HMGCLL1: variants seen among roughly 807,000 people sequenced by gnomAD.
HMGCLL1 encodes 3-hydroxy-3-methylglutaryl-CoA lyase like 1.
In HMGCLL1, 36 loss-of-function variants were observed where a neutral mutation model predicts 39.1. The ratio of observed to expected loss-of-function variants is 0.92; its 90% CI spans 0.71 to 1.22. HMGCLL1 has a LOEUF of 1.22. Ranked by LOEUF, HMGCLL1 falls within the 50% of genes most tolerant of loss-of-function variation. HMGCLL1 has a pLI of 0.00. For missense variants in HMGCLL1, 451 were observed against 416.5 expected (o/e 1.08, Z -0.72); for synonymous variants, 149 against 144.0 (o/e 1.03, Z -0.25).
the HMGCLL1 span, among the ~76,000 whole-genome samples, chr6:55,630,843 G>A: frequency 3.9e-5 from 6 of 152,220 alleles, no homozygotes; most frequent in East Asian, 1.9e-4. Flanking sequence ...CCCCAGCCAT[G>A]TAGAACTGCA....
rs577228685 is a variant in HMGCLL1 at position 55,476,483 on chromosome 6, A to C, written c.795+18936T>G. Among the ~76,000 whole-genome samples the C allele has an allele frequency of 5.3e-5, 8 of 151,844 alleles. No homozygotes were observed. The East Asian group carries it at 9.7e-4, about 18-fold the overall frequency. On this transcript the variant is annotated intron_variant, in intron 7 of 8. Coordinates refer to ENST00000274901, the MANE Select transcript of HMGCLL1 (RefSeq NM_001042406.2). ...ACCTATAACTTATGTTGGAAGTTTG[A>C]ATACACAATTATGACATTTGAAATA...
At chr6:55,662,483 T>A in the HMGCLL1 span, among the ~76,000 whole-genome samples, 1 of 151,900 alleles carries the variant, frequency 6.6e-6, no homozygotes, top group Non-Finnish European at 1.5e-5. Context: ...AGGGATCACA[T>A]TTATTGATTT....
At chr6:55,477,367 T>A (rs1354042104) in intron 7 of HMGCLL1, among the ~76,000 whole-genome samples, 11 of 30,186 alleles carry the variant, frequency 3.6e-4, no homozygotes, top group African/African-American at 6.8e-4. Flanking sequence ...TATATTATAT[T>A]AATATAATAT....
At chr6:55,506,241 C>G (rs1447231564) in intron 5 of HMGCLL1, among the ~76,000 whole-genome samples, 1 of 151,698 alleles carries the variant, frequency 6.6e-6, no homozygotes, top group Non-Finnish European at 1.5e-5. Context: ...ATCTTATTTT[C>G]TGCCATACCT....
chr6:55,534,850 G>A (rs979557738), intron 3 of HMGCLL1, among the ~76,000 whole-genome samples: 3 of 152,210 alleles, frequency 2.0e-5, no homozygotes, highest in Non-Finnish European at 2.9e-5. Context: ...AACGCTCAAG[G>A]ATATGTAGCA....
intron 7 of HMGCLL1, among the ~76,000 whole-genome samples, chr6:55,459,250 G>A (rs1764453387): frequency 6.6e-6 from 1 of 152,068 alleles, no homozygotes; most frequent in Non-Finnish European, 1.5e-5. Context: ...AAACAACTTA[G>A]AATCTAGTAG....
chr6:55,499,573 A>G (rs1766767737), intron 5 of HMGCLL1, among the ~76,000 whole-genome samples: 1 of 152,094 alleles, frequency 6.6e-6, no homozygotes, highest in Admixed American at 6.6e-5. Flanking sequence ...TATTCATACC[A>G]TAGCAACATA....
chr6:55,507,564 A>G (rs1046413247), intron 5 of HMGCLL1, among the ~76,000 whole-genome samples: 1 of 151,782 alleles, frequency 6.6e-6, no homozygotes, highest in African/African-American at 2.4e-5. Flanking sequence ...GTCTTTTTAA[A>G]TAGCATGATT....
chr6:55,583,723 G>T (rs1349370083), upstream of HMGCLL1, among the ~76,000 whole-genome samples: 1 of 152,014 alleles, frequency 6.6e-6, no homozygotes, highest in Admixed American at 6.6e-5. Context: ...TTTTCTATAG[G>T]AATCTTTCAT....
chr6:55,660,351 T>G, the HMGCLL1 span, among the ~76,000 whole-genome samples: 1 of 151,834 alleles, frequency 6.6e-6, no homozygotes, highest in Non-Finnish European at 1.5e-5. Context: ...TTGTTTTTTC[T>G]GTTCTTCTCC....
upstream of HMGCLL1, among the ~76,000 whole-genome samples, chr6:55,582,260 T>C (rs1186424780): frequency 6.6e-6 from 1 of 152,180 alleles, no homozygotes; most frequent in Non-Finnish European, 1.5e-5. Flanking sequence ...CAAAATTAAA[T>C]GACAGAATAT....
At chr6:55,545,510 G>T (rs1769914254) in intron 1 of HMGCLL1, among the ~76,000 whole-genome samples, 1 of 152,078 alleles carries the variant, frequency 6.6e-6, no homozygotes, top group Non-Finnish European at 1.5e-5. Flanking sequence ...AGTGACAGAA[G>T]AAATTATCCA....
At chr6:55,665,649 G>C in the HMGCLL1 span, among the ~76,000 whole-genome samples, 4,943 of 151,648 alleles carry the variant, frequency 0.033, 118 homozygotes, top group Non-Finnish European at 0.055. Flanking sequence ...TTTTATCCTT[G>C]TTGGAAAATT....
chr6:55,657,931 G>A, the HMGCLL1 span, among the ~76,000 whole-genome samples: 383 of 151,904 alleles, frequency 2.5e-3, 17 homozygotes, highest in East Asian at 0.067. Flanking sequence ...AAGGAGGGGG[G>A]AGGATCAGGA....
intron 7 of HMGCLL1, among the ~76,000 whole-genome samples, chr6:55,478,040 G>A (rs1765548679): frequency 6.8e-6 from 1 of 146,970 alleles, no homozygotes; most frequent in Admixed American, 6.8e-5. Context: ...TGGGCTTGAT[G>A]TTTTTATTGT....
intron 4 of HMGCLL1, 115 bp downstream of exon 4, chr6:55,516,393 A>T (rs555199275): frequency 1.7e-6 from 1 of 593,784 alleles, no homozygotes. Context: ...ATGTTAGTAC[A>T]TTAGCATAGT....
Position 55,558,790 on chromosome 6 carries a change from A to G in HMGCLL1, c.109-16650T>C, listed in dbSNP as rs186643446. Among the ~76,000 whole-genome samples the G allele has an allele frequency of 1.6e-3, 249 of 152,314 alleles. 2 individuals are homozygous for G. The highest frequency in any genetic ancestry group is 5.6e-3 in the African/African-American group (231 of 41,574). On this transcript the variant is annotated intron_variant, in intron 1 of 8. Coordinates refer to ENST00000274901, the MANE Select transcript of HMGCLL1 (RefSeq NM_001042406.2). ...CTTTGCTTTCAACCATGCTACCCCA[A>G]GAGCTGCTCCTTGGCTCTTTAAAAC...
At chr6:55,547,419 G>A (rs1435319090) in intron 1 of HMGCLL1, among the ~76,000 whole-genome samples, 2 of 151,946 alleles carry the variant, frequency 1.3e-5, no homozygotes, top group African/African-American at 4.8e-5. Context: ...TAATAGATAT[G>A]ATTGCTTATT....
At chr6:55,620,409 T>C in the HMGCLL1 span, among the ~76,000 whole-genome samples, 2 of 152,160 alleles carry the variant, frequency 1.3e-5, no homozygotes, top group Non-Finnish European at 2.9e-5. Flanking sequence ...AGATTATATT[T>C]CTTTGTAGCT....
Sources: allele counts gnomAD v4.1 joint callset (sites outside exome capture counted in the v4.1 genomes callset), GRCh38; gene constraint gnomAD v4.1.1; transcripts MANE v1.5; gene names NCBI Gene and HGNC (gene_info 2026-07-23, HGNC 2026-07-21).